The following CSPP1 variants were observed in gnomAD, a reference collection of about 807,000 sequenced individuals.
The protein encoded by CSPP1 is centrosome and spindle pole-associated protein 1.
Under a neutral mutation model 164.4 loss-of-function variants are expected in CSPP1, and 126 were observed. That is an observed-to-expected ratio of 0.77 (90% CI 0.66 to 0.89). The LOEUF is 0.89. CSPP1 is among the 40% of genes least tolerant of loss of function. CSPP1 has a pLI of 0.00. For synonymous variants in CSPP1, 472 were observed against 476.7 expected (o/e 0.99, Z 0.13); for missense variants, 1,395 against 1,449.8 (o/e 0.96, Z 0.61).
chr8:67,155,218 C>A lies in CSPP1; in HGVS notation c.2241+1082C>A, dbSNP rs142215095. On this transcript the variant is annotated intron_variant, in intron 19 of 30. Transcript: ENST00000678616. Reference sequence around the variant, plus strand: ...CACAGTTTCTTCTTTCCCTACCTCCCTCCCCTTCACACTCACACTTAGATA... The same window carrying A: ...CACAGTTTCTTCTTTCCCTACCTCCATCCCCTTCACACTCACACTTAGATA... Among the ~76,000 whole-genome samples, 401 of 152,292 alleles carry A rather than the reference C, an allele frequency of 2.6e-3. 5 individuals are homozygous for A. Among genetic ancestry groups the A allele is most frequent in the African/African-American group, 9.2e-3 (383 of 41,556 alleles).
At chr8:67,067,094 T>A (rs944329920) in intron 1 of CSPP1, among the ~76,000 whole-genome samples, 1 of 152,212 alleles carries the variant, frequency 6.6e-6, no homozygotes, top group African/African-American at 2.4e-5. Context: ...TCTAGCACAA[T>A]GTCATGCTTT....
intron 2 of CSPP1, chr8:67,074,660 TTATAGTC>T (rs1413392065): frequency 2.1e-4 from 52 of 244,626 alleles, no homozygotes; most frequent in Non-Finnish European, 3.7e-4. Flanking sequence ...AAAAGCAAGT[TTATAGTC>T]TATGTGAAAA....
chr8:67,071,052 C>T (rs1051204915), intron 1 of CSPP1, among the ~76,000 whole-genome samples: 5 of 152,242 alleles, frequency 3.3e-5, no homozygotes, highest in East Asian at 1.9e-4. Context: ...CAAGCCCAGC[C>T]TACGGCTATG....
chr8:67,158,417 C>A (rs1827079459), intron 19 of CSPP1, 30 bp from the exon 20 acceptor site: 25 of 1,529,782 alleles, frequency 1.6e-5, no homozygotes, highest in Non-Finnish European at 2.2e-5. Flanking sequence ...AATAGTTTTA[C>A]AAGATAAATA....
At chr8:67,159,957 C>CCTTCTTTCTTTTCT (rs1554605789) in intron 21 of CSPP1, among the ~76,000 whole-genome samples, 4 of 20,020 alleles carry the variant, frequency 2.0e-4, no homozygotes, top group Admixed American at 5.8e-4. Flanking sequence ...TTCCTTCCTT[C>CCTTCTTTCTTTTCT]TTTCTTTTCT....
chr8:67,165,485 C>G (rs937125366), intron 24 of CSPP1, among the ~76,000 whole-genome samples: 1 of 152,220 alleles, frequency 6.6e-6, no homozygotes, highest in Non-Finnish European at 1.5e-5. Context: ...GGGCCCCATA[C>G]AAGATGTACC....
At chr8:67,131,073 C>T (rs1821141773) in intron 15 of CSPP1, among the ~76,000 whole-genome samples, 2 of 151,912 alleles carry the variant, frequency 1.3e-5, no homozygotes, top group Non-Finnish European at 2.9e-5. Context: ...TTACTGTCTT[C>T]AAAGTCAGTA....
At chr8:67,120,046 T>A (rs1818678672) in intron 15 of CSPP1, among the ~76,000 whole-genome samples, 1 of 152,200 alleles carries the variant, frequency 6.6e-6, no homozygotes, top group East Asian at 1.9e-4. Context: ...TTAATTTTTT[T>A]ATGGTATTGC....
At chr8:67,159,897 T>C (rs1294790716) in intron 21 of CSPP1, among the ~76,000 whole-genome samples, 1 of 67,748 alleles carries the variant, frequency 1.5e-5, no homozygotes, top group East Asian at 3.9e-4. Flanking sequence ...TCTTTCTTTC[T>C]TTCTTTCTTT....
At chr8:67,148,338 A>G (rs529701742) in intron 17 of CSPP1, among the ~76,000 whole-genome samples, 7 of 152,304 alleles carry the variant, frequency 4.6e-5, no homozygotes, top group East Asian at 3.9e-4. Context: ...TATCCATTCT[A>G]TGGTTTCCAG....
At chr8:67,127,974 C>T (rs1296971289) in intron 15 of CSPP1, among the ~76,000 whole-genome samples, 1 of 152,176 alleles carries the variant, frequency 6.6e-6, no homozygotes, top group African/African-American at 2.4e-5. Flanking sequence ...GATGTACGCA[C>T]AATCTGTCTT....
chr8:67,098,597 T>C (rs114958853), intron 7 of CSPP1, among the ~76,000 whole-genome samples: 5,173 of 152,028 alleles, frequency 0.034, 140 homozygotes, highest in Non-Finnish European at 0.054. Context: ...TGTTGTTTAT[T>C]TATGCATATT....
Position 67,095,499 on chromosome 8 carries a change from A to C in CSPP1, c.690A>C (p.Arg230Ser). ...ATGAAATCGAATTAAGGAATAGAAG[A>C]ATTATTAAAAAAGCAAATGAAGAAG... ...LDDEIELRNR[R>S]IIKKANEEVG... The change falls in exon 7 of 31, where the codon AGA becomes AGC. Residue 230 changes from arginine (R) to serine (S), a missense_variant. Arg to Ser is a moderately radical substitution (Grantham distance 110). Transcript: ENST00000678616. The C allele has an allele frequency of 6.2e-7, 1 of 1,613,660 alleles. No individual in the cohort carries two copies. Among genetic ancestry groups the C allele is most frequent in the Non-Finnish European group, 8.5e-7 (1 of 1,179,826 alleles).
intron 17 of CSPP1, among the ~76,000 whole-genome samples, chr8:67,141,605 T>C (rs1410345096): frequency 6.6e-5 from 10 of 152,234 alleles, no homozygotes. Context: ...CACTGCAACC[T>C]CTGCCTCCCG....
intron 15 of CSPP1, among the ~76,000 whole-genome samples, chr8:67,121,063 C>T (rs1223611645): frequency 6.6e-6 from 1 of 152,062 alleles, no homozygotes; most frequent in East Asian, 1.9e-4. Flanking sequence ...CCATGTTGGC[C>T]AGGCTGGTCT....
chr8:67,172,154 A>ATT lies in CSPP1; in HGVS notation c.2829-241_2829-240dup, dbSNP rs540548645. Among the ~76,000 whole-genome samples the ATT allele has an allele frequency of 1.6e-3, 196 of 124,866 alleles. 1 individual carries two copies. Among genetic ancestry groups the ATT allele is most frequent in the African/African-American group, 4.6e-3 (150 of 32,510 alleles). 81.9% of individuals were successfully genotyped at this position (124,866 alleles called of 152,430 possible). On this transcript the variant is annotated intron_variant, in intron 24 of 30. Transcript: ENST00000678616. ...ATGAGACACCATGCCTGGCCTCATAATTTTTTTTTTTTTTTTTTTTTTGTA... is the reference window on the plus strand; with the variant it reads ...ATGAGACACCATGCCTGGCCTCATAATTTTTTTTTTTTTTTTTTTTTTTTGTA...
At chr8:67,076,988 T>C (rs148295352) in intron 3 of CSPP1, among the ~76,000 whole-genome samples, 2 of 152,300 alleles carry the variant, frequency 1.3e-5, no homozygotes, top group African/African-American at 2.4e-5. Context: ...ATTTTAATTA[T>C]TGATGATCAT....
intron 26 of CSPP1, among the ~76,000 whole-genome samples, chr8:67,176,137 A>C (rs972552898): frequency 6.6e-6 from 1 of 152,112 alleles, no homozygotes; most frequent in African/African-American, 2.4e-5. Context: ...CTCAGAGAGC[A>C]CTGATGGGCC....
chr8:67,177,712 C>T lies in CSPP1; in HGVS notation c.3142C>T (p.Arg1048Ter), dbSNP rs200881715. Residue 1048 changes from arginine to a stop codon, truncating the protein, a stop_gained, in exon 27 of 31, where the codon CGA becomes TGA. Coordinates refer to ENST00000678616, the MANE Select transcript of CSPP1 (RefSeq NM_001382391.1). LOFTEE classifies it high-confidence loss of function. ...AGATGCCATCCCAAGTGCTAAAGTA[C>T]GAGAGCAAAGAATGGTAAGCAACCA... ...DLDAIPSAKV[R>*]EQRMPRDDTS... 22 of 1,611,142 alleles carry T rather than the reference C, an allele frequency of 1.4e-5. No homozygotes were observed. The highest frequency in any genetic ancestry group is 8.9e-5 in the East Asian group (4 of 44,802).
Sources: gnomAD v4.1 joint callset for allele counts (sites outside exome capture counted in the v4.1 genomes callset) on GRCh38, gnomAD v4.1.1 for gene constraint, MANE v1.5 for transcripts, NCBI Gene and HGNC (gene_info 2026-07-23, HGNC 2026-07-21) for gene names.